The following PDE1A variants were observed in gnomAD, a reference collection of about 807,000 sequenced individuals.
The protein encoded by PDE1A is dual specificity calcium/calmodulin-dependent 3',5'-cyclic nucleotide phosphodiesterase 1A.
A neutral mutation model predicts 61.7 loss-of-function variants in PDE1A; 35 were observed. The observed-to-expected ratio is 0.57, with a 90% CI of 0.43 to 0.75. The LOEUF (loss-of-function observed/expected upper bound fraction) is 0.75. Ranked by LOEUF, PDE1A falls within the 30% of genes least tolerant of loss-of-function variation. The probability of loss-of-function intolerance (pLI) is 0.00; values close to 1 mark genes in which losing one functional copy is unlikely to be tolerated. For synonymous variants in PDE1A, 232 were observed against 213.2 expected (o/e 1.09, Z -0.77); for missense variants, 597 against 630.6 (o/e 0.95, Z 0.57).
the PDE1A span, among the ~76,000 whole-genome samples, chr2:182,564,379 G>A: frequency 6.6e-6 from 1 of 152,212 alleles, no homozygotes; most frequent in South Asian, 2.1e-4. Context: ...GTTGAATATT[G>A]GCCCCCACTC....
At chr2:182,570,083 G>A in the PDE1A span, among the ~76,000 whole-genome samples, 349 of 152,190 alleles carry the variant, frequency 2.3e-3, 2 homozygotes, top group South Asian at 0.019. Flanking sequence ...GCTTCCCTGG[G>A]GTTTGGGGAC....
At chr2:182,655,285 T>TA in the PDE1A span, among the ~76,000 whole-genome samples, 35 of 152,194 alleles carry the variant, frequency 2.3e-4, no homozygotes, top group Admixed American at 5.9e-4. Context: ...ATACTCTGTC[T>TA]AAAGGTTCTG....
the PDE1A span, among the ~76,000 whole-genome samples, chr2:182,703,753 T>G: frequency 6.6e-6 from 1 of 152,092 alleles, no homozygotes; most frequent in African/African-American, 2.4e-5. Context: ...CTTCTTCAAT[T>G]TCAGAGAAGC....
chr2:182,398,532 G>T (rs959134427), intron 1 of PDE1A, among the ~76,000 whole-genome samples: 2 of 151,820 alleles, frequency 1.3e-5, no homozygotes, highest in Non-Finnish European at 2.9e-5. Flanking sequence ...TTGCACAGTT[G>T]AATTAAGATT....
At chr2:182,472,810 T>C (rs1687113288) in intron 2 of PDE1A, among the ~76,000 whole-genome samples, 1 of 151,888 alleles carries the variant, frequency 6.6e-6, no homozygotes, top group Non-Finnish European at 1.5e-5. Flanking sequence ...ACAGTAAAGA[T>C]TTTCTTTAGG....
chr2:182,439,858 C>T (rs560748347), intron 2 of PDE1A, among the ~76,000 whole-genome samples: 1 of 152,168 alleles, frequency 6.6e-6, no homozygotes, highest in African/African-American at 2.4e-5. Context: ...TACCTGTTTA[C>T]ATGACAACAT....
intron 13 of PDE1A, among the ~76,000 whole-genome samples, chr2:182,174,014 T>C (rs945372218): frequency 6.6e-6 from 1 of 152,042 alleles, no homozygotes; most frequent in Non-Finnish European, 1.5e-5. Context: ...TGAGTACTAA[T>C]AGGCATTGCT....
chr2:182,591,534 A>G, the PDE1A span, among the ~76,000 whole-genome samples: 1 of 152,092 alleles, frequency 6.6e-6, no homozygotes, highest in Non-Finnish European at 1.5e-5. Flanking sequence ...GGTCTAGGCT[A>G]CGATTTCTCA....
the PDE1A span, among the ~76,000 whole-genome samples, chr2:182,588,581 T>C: frequency 1.3e-5 from 2 of 152,192 alleles, no homozygotes; most frequent in Admixed American, 6.5e-5. Context: ...ATATTATCTG[T>C]CACCTCATAT....
intron 2 of PDE1A, among the ~76,000 whole-genome samples, chr2:182,479,405 T>C (rs144122845): frequency 1.0e-3 from 153 of 151,962 alleles, no homozygotes; most frequent in African/African-American, 3.5e-3. Flanking sequence ...TGTTGAAATG[T>C]GAAAGCTCTA....
the PDE1A span, among the ~76,000 whole-genome samples, chr2:182,698,336 T>C: frequency 1.3e-5 from 2 of 151,568 alleles, no homozygotes; most frequent in Non-Finnish European, 3.0e-5. Flanking sequence ...CTTGGGAGTG[T>C]ATCTTAAGGT....
chr2:182,203,396 TTAGA>T (rs1686836018), intron 8 of PDE1A, among the ~76,000 whole-genome samples: 1 of 152,328 alleles, frequency 6.6e-6, no homozygotes, highest in South Asian at 2.1e-4. Flanking sequence ...TATTGAATTT[TTAGA>T]TAGAAGCCAT....
At chr2:182,441,447 G>A (rs1006201846) in intron 2 of PDE1A, among the ~76,000 whole-genome samples, 27 of 152,186 alleles carry the variant, frequency 1.8e-4, no homozygotes, top group African/African-American at 6.3e-4. Flanking sequence ...TTTCACATAT[G>A]GAAAGGGGAA....
chr2:182,232,537 G>A (rs1689666248), intron 4 of PDE1A, among the ~76,000 whole-genome samples: 1 of 152,146 alleles, frequency 6.6e-6, no homozygotes, highest in Non-Finnish European at 1.5e-5. Context: ...ATAATAGTAA[G>A]AGCTTCAAAT....
rs565221683 is a variant in PDE1A, at chr2:182,403,168, A to C, written c.53+23410T>G. On this transcript the variant is annotated intron_variant, in intron 1 of 13. Transcript: ENST00000351439. ...TACCATTTGACCCAGCAATCCCATT[A>C]CTGGGTATATACCCAAAGGACTATA... is the stretch of plus-strand genomic sequence containing the variant. 5.9e-4 allele frequency among the ~76,000 whole-genome samples: 88 copies of C among 149,418 alleles called. 2 individuals are homozygous for C. Among genetic ancestry groups the C allele is most frequent in the African/African-American group, 2.2e-3 (84 of 38,818 alleles).
At chr2:182,156,996 ATTATTTTATT>A (rs1258937250) in intron 13 of PDE1A, among the ~76,000 whole-genome samples, 10 of 146,880 alleles carry the variant, frequency 6.8e-5, no homozygotes, top group Admixed American at 2.0e-4. Flanking sequence ...TATTATTATT[ATTATTTTATT>A]TTATTTTATT....
At chr2:182,275,495 T>C (rs1693342029) in intron 1 of PDE1A, among the ~76,000 whole-genome samples, 1 of 152,086 alleles carries the variant, frequency 6.6e-6, no homozygotes, top group Non-Finnish European at 1.5e-5. Flanking sequence ...CCAGAAGGTG[T>C]CAGAAAGTTT....
chr2:182,166,500 G>A (rs1048098822), downstream of PDE1A, among the ~76,000 whole-genome samples: 6 of 152,110 alleles, frequency 3.9e-5, no homozygotes, highest in African/African-American at 1.4e-4. Context: ...CCCGGGAAGG[G>A]GGTGGTCTAA....
chr2:182,507,704 T>C (rs1689500496), intron 2 of PDE1A, among the ~76,000 whole-genome samples: 1 of 152,038 alleles, frequency 6.6e-6, no homozygotes, highest in Non-Finnish European at 1.5e-5. Context: ...TTCTGGAAAA[T>C]AAATAAATCA....
Sources: gnomAD v4.1 joint callset for allele counts (sites outside exome capture counted in the v4.1 genomes callset) on GRCh38, gnomAD v4.1.1 for gene constraint, MANE v1.5 for transcripts, NCBI Gene and HGNC (gene_info 2026-07-23, HGNC 2026-07-21) for gene names.